Variants in PDCL2 observed in about 807,000 individuals in gnomAD.
PDCL2 encodes phosducin-like protein 2.
In PDCL2, 23 loss-of-function variants were observed where a neutral mutation model predicts 30.3. That is an observed-to-expected ratio of 0.76 (90% CI 0.55 to 1.08). The LOEUF is 1.08. PDCL2 is among the 50% of genes least tolerant of loss of function. The pLI is 0.00. For missense variants in PDCL2, 243 were observed against 282.3 expected (o/e 0.86, Z 1.00); for synonymous variants, 68 against 86.2 (o/e 0.79, Z 1.17).
chr4:55,580,395 CTTATT>C (rs1328170701), intron 3 of PDCL2, among the ~76,000 whole-genome samples: 1 of 152,128 alleles, frequency 6.6e-6, no homozygotes. Flanking sequence ...CATTTCCCAA[CTTATT>C]TTAGTTGTGA....
intron 4 of PDCL2, among the ~76,000 whole-genome samples, chr4:55,566,680 G>T (rs1001081316): frequency 6.6e-6 from 1 of 151,710 alleles, no homozygotes; most frequent in Non-Finnish European, 1.5e-5. Context: ...CGCCTGCCTC[G>T]GCCTCCCAAA....
At chr4:55,573,890 GTTTTTTGTTTGT>G (rs958589111) in intron 3 of PDCL2, among the ~76,000 whole-genome samples, 18 of 12,030 alleles carry the variant, frequency 1.5e-3, no homozygotes, top group East Asian at 5.6e-3. Context: ...GTTTTTGTTT[GTTTTTTGTTTGT>G]TTTTTTTTTT....
intron 1 of PDCL2, among the ~76,000 whole-genome samples, chr4:55,583,852 T>G (rs770960077): frequency 6.6e-6 from 1 of 152,240 alleles, no homozygotes; most frequent in Non-Finnish European, 1.5e-5. Flanking sequence ...GCCTCTGGTT[T>G]TCTTCTTTTT....
intron 1 of PDCL2, among the ~76,000 whole-genome samples, chr4:55,591,458 G>C (rs778387389): frequency 6.6e-6 from 1 of 152,152 alleles, no homozygotes; most frequent in African/African-American, 2.4e-5. Flanking sequence ...GTGCAATCTC[G>C]GCTCACTGAA....
chr4:55,569,547 C>G (rs1732366047), intron 4 of PDCL2, among the ~76,000 whole-genome samples, 171 bp downstream of exon 4: 1 of 152,054 alleles, frequency 6.6e-6, no homozygotes, highest in Non-Finnish European at 1.5e-5. Context: ...CTTAAAATAC[C>G]TAATTTAATC....
chr4:55,578,404 G>A (rs970538512), intron 3 of PDCL2, among the ~76,000 whole-genome samples: 3 of 152,136 alleles, frequency 2.0e-5, no homozygotes, highest in African/African-American at 7.2e-5. Flanking sequence ...CTGAACTGAG[G>A]GCTGAAATCA....
At chr4:55,562,057 AGTGT>A (rs34538860) in intron 5 of PDCL2, among the ~76,000 whole-genome samples, 2 of 151,930 alleles carry the variant, frequency 1.3e-5, no homozygotes, top group African/African-American at 2.4e-5. Flanking sequence ...GTGTAAAAAA[AGTGT>A]GATGGCACAA....
Position 55,562,479 on chromosome 4 carries a change from C to CA in PDCL2, c.495dup (p.Val166CysfsTer3). The CA allele has an allele frequency of 6.4e-7, 1 of 1,554,094 alleles. No individual in the cohort carries two copies. The highest frequency in any genetic ancestry group is 8.7e-7 in the Non-Finnish European group (1 of 1,151,076). ...GCTTCTATCTGACCATTTTTATACA[C>CA]AAAAATTGTTGGTAAACAATTGTCA... is the stretch of plus-strand genomic sequence containing the variant. On this transcript the variant is annotated frameshift_variant, in exon 5 of 6. Transcript: ENST00000295645. LOFTEE classifies it high-confidence loss of function.
chr4:55,591,815 T>G (rs1257027074), intron 1 of PDCL2, among the ~76,000 whole-genome samples: 1 of 152,206 alleles, frequency 6.6e-6, no homozygotes, highest in Non-Finnish European at 1.5e-5. Context: ...TCAAAAATAG[T>G]ATTCAGCAGT....
chr4:55,585,414 G>C (rs1732833826), intron 1 of PDCL2, among the ~76,000 whole-genome samples: 1 of 152,092 alleles, frequency 6.6e-6, no homozygotes, highest in Admixed American at 6.5e-5. Context: ...TGTAATCCCA[G>C]CTACTCGGGA....
At chr4:55,566,429 C>CTTTTTTT (rs59299412) in intron 4 of PDCL2, among the ~76,000 whole-genome samples, 4 of 126,908 alleles carry the variant, frequency 3.2e-5, no homozygotes, top group Non-Finnish European at 6.4e-5. Flanking sequence ...TCCTTTTTCT[C>CTTTTTTT]TTTTTTTTTT....
Position 55,556,588 on chromosome 4 carries a change from TC to T in PDCL2, c.694del (p.Asp232IlefsTer20), listed in dbSNP as rs1328261786. 3.2e-6 allele frequency: 5 copies of T among 1,570,064 alleles called. No homozygotes were observed. The highest frequency in any genetic ancestry group is 4.3e-6 in the Non-Finnish European group (5 of 1,154,228). On this transcript the variant is annotated frameshift_variant, in exon 6 of 6. Transcript: ENST00000295645. LOFTEE classifies it high-confidence loss of function. ...IRNTSIHDDS[D>X]SSNSDNDTK ...GGTATCATTATCACTGTTGGAGCTA[TC>T]ACTGTCATCATGAATAGAAGTGTTT...
chr4:55,565,067 C>T (rs1369179653), intron 4 of PDCL2, among the ~76,000 whole-genome samples: 2 of 152,168 alleles, frequency 1.3e-5, no homozygotes, highest in African/African-American at 4.8e-5. Flanking sequence ...GGAGCCTGAA[C>T]TCTGCTATGA....
chr4:55,581,591 G>A (rs566207412), intron 2 of PDCL2, among the ~76,000 whole-genome samples: 1 of 152,316 alleles, frequency 6.6e-6, no homozygotes, highest in African/African-American at 2.4e-5. Context: ...TACACACCAG[G>A]ATATTTCAGC....
intron 1 of PDCL2, among the ~76,000 whole-genome samples, chr4:55,586,912 T>C (rs373086952): frequency 1.3e-5 from 2 of 152,008 alleles, no homozygotes; most frequent in African/African-American, 4.8e-5. Context: ...CCCTTCATTA[T>C]TAGTGATGTT....
At position 55,590,196 on chromosome 4, in the gene PDCL2, CAAAAAAAAAAAAA is replaced by C. The variant is rs1221085369; in HGVS notation, c.6+1895_6+1907del. On this transcript the variant is annotated intron_variant, in intron 1 of 5. Transcript: ENST00000295645. ...TGGATGACAGAGCTAGGCTCTGTCT[CAAAAAAAAAAAAA>C]AAAAAAAAAAAAGAGTAAGGTTTGT... 1.9e-4 allele frequency among the ~76,000 whole-genome samples: 7 copies of C among 37,094 alleles called. 1 individual carries two copies. Among genetic ancestry groups the C allele is most frequent in the Non-Finnish European group, 4.2e-5 (1 of 23,734 alleles). 24.3% of individuals were successfully genotyped at this position (37,094 alleles called of 152,430 possible).
intron 3 of PDCL2, among the ~76,000 whole-genome samples, chr4:55,579,392 C>T (rs576745519): frequency 3.3e-5 from 5 of 152,204 alleles, no homozygotes; most frequent in South Asian, 2.1e-4. Context: ...TGCAATGGCA[C>T]GATCTTGGCT....
intron 1 of PDCL2, among the ~76,000 whole-genome samples, chr4:55,584,313 G>A (rs1274486959): frequency 1.3e-5 from 2 of 152,002 alleles, no homozygotes; most frequent in African/African-American, 2.4e-5. Flanking sequence ...CTGGAGTGCA[G>A]TGGTGCAAAC....
intron 1 of PDCL2, among the ~76,000 whole-genome samples, chr4:55,583,792 G>T (rs1279648917): frequency 1.3e-5 from 2 of 152,188 alleles, no homozygotes; most frequent in Non-Finnish European, 2.9e-5. Context: ...GTACCACGCT[G>T]TTTGGATTAC....
Sources: gnomAD v4.1 joint callset for allele counts (sites outside exome capture counted in the v4.1 genomes callset) on GRCh38, gnomAD v4.1.1 for gene constraint, MANE v1.5 for transcripts, NCBI Gene and HGNC (gene_info 2026-07-23, HGNC 2026-07-21) for gene names.